Variants in GLRA2 observed in about 807,000 individuals in gnomAD.
GLRA2 encodes the protein glycine receptor alpha 2.
In GLRA2, 11 loss-of-function variants were observed where a neutral mutation model predicts 31.6. The ratio of observed to expected loss-of-function variants is 0.35; its 90% CI spans 0.22 to 0.58. The LOEUF (loss-of-function observed/expected upper bound fraction) is 0.58. GLRA2 is among the 20% of genes least tolerant of loss of function. GLRA2 has a pLI of 0.84. For synonymous variants in GLRA2, 132 were observed against 134.0 expected (o/e 0.99, Z 0.10); for missense variants, 212 against 351.8 (o/e 0.60, Z 3.18).
At chrX:14,702,909 A>C (rs147711939) in intron 8 of GLRA2, among the ~76,000 whole-genome samples, 3,255 of 111,343 alleles carry the variant, frequency 0.029, 60 homozygotes, top group Non-Finnish European at 0.047. Context: ...GGAGAGGACA[A>C]GGGGACTCCC....
At chrX:14,546,258 G>A (rs780026050) in intron 2 of GLRA2, among the ~76,000 whole-genome samples, 2 of 111,432 alleles carry the variant, frequency 1.8e-5, no homozygotes, top group Non-Finnish European at 3.8e-5. Context: ...CCACAGTCTG[G>A]AATATGTGTT....
chrX:14,606,787 G>T (rs1169874964), intron 5 of GLRA2, among the ~76,000 whole-genome samples: 1 of 112,100 alleles, frequency 8.9e-6, no homozygotes, highest in Non-Finnish European at 1.9e-5. Flanking sequence ...CTCAGCTCTT[G>T]CAAGTAAAGA....
intron 8 of GLRA2, among the ~76,000 whole-genome samples, chrX:14,714,795 A>T (rs765488227): frequency 2.7e-5 from 3 of 112,488 alleles, no homozygotes; most frequent in Non-Finnish European, 5.6e-5. Context: ...GTTTTAAGAG[A>T]TTTATGAAGA....
chrX:14,727,605 C>T (rs185807451), intron 8 of GLRA2, among the ~76,000 whole-genome samples: 206 of 112,305 alleles, frequency 1.8e-3, no homozygotes, highest in Middle Eastern at 0.014. Flanking sequence ...ACTGATGACA[C>T]TGTAATAATT....
the GLRA2 span, among the ~76,000 whole-genome samples, chrX:14,508,957 C>G: frequency 1.8e-5 from 2 of 111,434 alleles, no homozygotes; most frequent in South Asian, 3.8e-4. Context: ...ATTAGAGTGG[C>G]CCTAGGATAT....
At chrX:14,726,153 A>G (rs16979665) in intron 8 of GLRA2, among the ~76,000 whole-genome samples, 3,282 of 112,111 alleles carry the variant, frequency 0.029, 117 homozygotes, top group African/African-American at 0.1. Context: ...ATTGTTCTTT[A>G]TTTTAGTTTC....
At chrX:14,478,776 ACTTT>A in the GLRA2 span, among the ~76,000 whole-genome samples, 10 of 112,024 alleles carry the variant, frequency 8.9e-5, no homozygotes, top group Non-Finnish European at 1.7e-4. Context: ...TTATAGCCTC[ACTTT>A]CTTTATATGA....
intron 7 of GLRA2, among the ~76,000 whole-genome samples, chrX:14,689,711 ACT>A (rs1464893626): frequency 8.9e-6 from 1 of 111,735 alleles, no homozygotes; most frequent in African/African-American, 3.3e-5. Context: ...AATATAGGAA[ACT>A]CTATTTAAAA....
the GLRA2 span, among the ~76,000 whole-genome samples, chrX:14,493,727 G>A: frequency 1.0e-4 from 9 of 85,809 alleles, no homozygotes; most frequent in African/African-American, 4.5e-4. Flanking sequence ...ATATATACGT[G>A]TATATGTATA....
At chrX:14,711,342 G>T (rs2091707317) in intron 8 of GLRA2, among the ~76,000 whole-genome samples, 1 of 112,083 alleles carries the variant, frequency 8.9e-6, no homozygotes, top group African/African-American at 3.2e-5. Context: ...TTATAAATTG[G>T]AATATCAATG....
the GLRA2 span, among the ~76,000 whole-genome samples, chrX:14,487,878 T>C: frequency 8.9e-6 from 1 of 111,833 alleles, no homozygotes; most frequent in African/African-American, 3.2e-5. Context: ...TCTGACCTTG[T>C]GTGTTACAGG....
intron 8 of GLRA2, among the ~76,000 whole-genome samples, chrX:14,729,803 TTTC>T (rs1411844647): frequency 9.0e-6 from 1 of 111,396 alleles, no homozygotes; most frequent in African/African-American, 3.3e-5. Flanking sequence ...CAGTAAATGT[TTTC>T]TGAATGAATG....
the GLRA2 span, among the ~76,000 whole-genome samples, chrX:14,452,779 C>T: frequency 8.9e-6 from 1 of 111,988 alleles, no homozygotes; most frequent in African/African-American, 3.2e-5. Flanking sequence ...GGTACAGTGG[C>T]TGGAATTTTA....
At chrX:14,672,227 A>G (rs1450454934) in intron 7 of GLRA2, among the ~76,000 whole-genome samples, 2 of 112,163 alleles carry the variant, frequency 1.8e-5, no homozygotes, top group Admixed American at 9.4e-5. Flanking sequence ...CTTACTTTAG[A>G]TAGTCATACT....
chrX:14,685,323 G>C (rs889560891), intron 7 of GLRA2, among the ~76,000 whole-genome samples: 1 of 111,527 alleles, frequency 9.0e-6, no homozygotes, highest in African/African-American at 3.3e-5. Context: ...GGACGATGCT[G>C]GCCTCATAAA....
chrX:14,503,723 C>T, the GLRA2 span, among the ~76,000 whole-genome samples: 1 of 111,280 alleles, frequency 9.0e-6, no homozygotes, highest in Non-Finnish European at 1.9e-5. Context: ...TGCCACTGAA[C>T]TTTAATACAA....
chrX:14,535,486 T>C (rs1297714491), intron 2 of GLRA2, among the ~76,000 whole-genome samples: 1 of 112,065 alleles, frequency 8.9e-6, no homozygotes, highest in Non-Finnish European at 1.9e-5. Flanking sequence ...TCTTAGAAAC[T>C]ACAGGGAAAA....
At chrX:14,498,457 CT>C in the GLRA2 span, among the ~76,000 whole-genome samples, 4 of 110,566 alleles carry the variant, frequency 3.6e-5, no homozygotes, top group Non-Finnish European at 5.7e-5. Context: ...ATTTTCCCCC[CT>C]AGGTCATTGA....
Position 14,554,000 on chromosome X carries a change from G to A in GLRA2, c.203-20333G>A, listed in dbSNP as rs1389213272. On this transcript the variant is annotated intron_variant, in intron 2 of 8. Coordinates refer to ENST00000218075, the MANE Select transcript of GLRA2 (RefSeq NM_002063.4). The stretch of plus-strand genomic sequence containing the variant: ...TTCACCTAAATCCTTGACTCGAGGA[G>A]AACACAAACTACGTAAGCACCCAAT... Among the ~76,000 whole-genome samples the A allele has an allele frequency of 2.7e-5, 3 of 112,242 alleles. No individual in the cohort carries two copies. In the East Asian group the frequency reaches 8.4e-4, roughly 31 times the overall value.
Sources: allele counts gnomAD v4.1 joint callset (sites outside exome capture counted in the v4.1 genomes callset), GRCh38; gene constraint gnomAD v4.1.1; transcripts MANE v1.5; gene names NCBI Gene and HGNC (gene_info 2026-07-23, HGNC 2026-07-21).